The following KDM1A variants were observed in gnomAD, a reference collection of about 807,000 sequenced individuals.
KDM1A encodes the protein lysine demethylase 1A.
In KDM1A, 49 loss-of-function variants were observed where a neutral mutation model predicts 109.4. The ratio of observed to expected loss-of-function variants is 0.45; its 90% CI spans 0.36 to 0.57. KDM1A has a LOEUF of 0.57. KDM1A is among the 20% of genes least tolerant of loss of function. KDM1A has a pLI of 0.00. For synonymous variants in KDM1A, 380 were observed against 415.4 expected, an observed-to-expected ratio of 0.91 and a Z score of 1.04; for missense variants, 668 against 1,116.6, an observed-to-expected ratio of 0.60 and a Z score of 5.73.
chr1:23,064,384 C>T (rs1199939429), intron 9 of KDM1A, among the ~76,000 whole-genome samples: 2 of 152,218 alleles, frequency 1.3e-5, no homozygotes, highest in African/African-American at 4.8e-5. Flanking sequence ...TGCTCGATGG[C>T]ATGGGATGGG....
At chr1:23,073,632 C>T (rs1032468517) in intron 15 of KDM1A, among the ~76,000 whole-genome samples, 2 of 152,188 alleles carry the variant, frequency 1.3e-5, no homozygotes, top group African/African-American at 2.4e-5. Context: ...AATGTTTTCT[C>T]CTGCCTCTTT....
chr1:23,043,290 G>A (rs1177023618), intron 2 of KDM1A, among the ~76,000 whole-genome samples: 1 of 152,158 alleles, frequency 6.6e-6, no homozygotes, highest in African/African-American at 2.4e-5. Flanking sequence ...CTTCAGACGA[G>A]AGCTTAGTAA....
rs1280053106 is a variant in KDM1A at position 23,042,458 on chromosome 1, T to A, written c.518-1969T>A. Among the ~76,000 whole-genome samples, 3 of 111,774 alleles carry A rather than the reference T, an allele frequency of 2.7e-5. No homozygotes were observed. In the South Asian group the frequency reaches 9.5e-4, roughly 35 times the overall value. 73.3% of individuals were successfully genotyped at this position (111,774 alleles called of 152,430 possible). A position where few individuals can be genotyped will look rare whatever the true frequency, so the allele number is the denominator to read the frequency against. ...ATATATTATTTTTTTTTTTTTTTTTTTTTTTTTTTTTTGAGACGGAGTCTC... is the reference window on the plus strand; with the variant it reads ...ATATATTATTTTTTTTTTTTTTTTTATTTTTTTTTTTTGAGACGGAGTCTC... On this transcript the variant is annotated intron_variant, in intron 2 of 20. Transcript: ENST00000400181.
intron 1 of KDM1A, among the ~76,000 whole-genome samples, chr1:23,026,393 TG>T (rs1177875681): frequency 9.5e-5 from 5 of 52,772 alleles, no homozygotes; most frequent in African/African-American, 2.2e-4. Flanking sequence ...TTTGTCTGTT[TG>T]TTTTTTTTTT....
At chr1:23,038,250 CTGTTTGTGTG>C (rs1226736903) in intron 2 of KDM1A, among the ~76,000 whole-genome samples, 8 of 85,066 alleles carry the variant, frequency 9.4e-5, no homozygotes, top group Admixed American at 5.4e-4. Context: ...GCATCTGGAA[CTGTTTGTGTG>C]TGTGTGTGTG....
intron 4 of KDM1A, among the ~76,000 whole-genome samples, chr1:23,051,456 A>T (rs1228305810): frequency 6.6e-6 from 1 of 152,074 alleles, no homozygotes; most frequent in Non-Finnish European, 1.5e-5. Flanking sequence ...GAACCAGTCA[A>T]CCCCTCCCCT....
At chr1:23,023,326 T>A (rs1289277612) in intron 1 of KDM1A, among the ~76,000 whole-genome samples, 1 of 152,224 alleles carries the variant, frequency 6.6e-6, no homozygotes, top group Non-Finnish European at 1.5e-5. Flanking sequence ...TGTTTTCTTC[T>A]AAGAGTTTTT....
At chr1:23,022,652 T>C (rs1202367051) in intron 1 of KDM1A, among the ~76,000 whole-genome samples, 35 of 129,156 alleles carry the variant, frequency 2.7e-4, no homozygotes, top group South Asian at 2.3e-3. Flanking sequence ...CTTCTTCTTT[T>C]TTTTTTTTTT....
chr1:23,053,188 C>T (rs1248820024), intron 4 of KDM1A, among the ~76,000 whole-genome samples: 1 of 152,078 alleles, frequency 6.6e-6, no homozygotes, highest in East Asian at 1.9e-4. Flanking sequence ...GCTAGTTGCT[C>T]CCTTCTAGCT....
intron 3 of KDM1A, among the ~76,000 whole-genome samples, chr1:23,048,392 G>A (rs1227355030): frequency 6.6e-6 from 1 of 151,948 alleles, no homozygotes; most frequent in African/African-American, 2.4e-5. Context: ...GTAATTTCAT[G>A]CTCCACCTAC....
intron 3 of KDM1A, among the ~76,000 whole-genome samples, chr1:23,047,756 A>C (rs1642543288): frequency 2.6e-5 from 4 of 151,952 alleles, no homozygotes; most frequent in Admixed American, 2.6e-4. Context: ...AAAAAATTAG[A>C]CATAGTGGCT....
chr1:23,078,570 T>G (rs1413025133), intron 16 of KDM1A, among the ~76,000 whole-genome samples: 1 of 152,206 alleles, frequency 6.6e-6, no homozygotes, highest in East Asian at 1.9e-4. Flanking sequence ...CATCACAGCC[T>G]TCTTGTAGCA....
chr1:23,029,076 T>G (rs1448830509), intron 1 of KDM1A, among the ~76,000 whole-genome samples: 1 of 152,184 alleles, frequency 6.6e-6, no homozygotes, highest in Non-Finnish European at 1.5e-5. Context: ...AGTAACACTC[T>G]TGTACTTCCA....
At chr1:23,067,397 A>T (rs1056248465) in intron 10 of KDM1A, among the ~76,000 whole-genome samples, 3 of 152,214 alleles carry the variant, frequency 2.0e-5, no homozygotes, top group Non-Finnish European at 4.4e-5. Context: ...TTATCAGTGA[A>T]GGAGCAGAGG....
Position 23,063,212 on chromosome 1 carries a change from T to C in KDM1A, c.1168-2848T>C, listed in dbSNP as rs1238696817. 1.3e-4 allele frequency among the ~76,000 whole-genome samples: 3 copies of C among 23,754 alleles called. 1 individual carries two copies. Among genetic ancestry groups the C allele is most frequent in the Non-Finnish European group, 2.1e-4 (2 of 9,704 alleles). The allele number at this position is 23,754 out of a possible 152,430, so 15.6% of individuals were successfully genotyped here. ...CTGTAGCATTGGGGGGGGGGTGTGG[T>C]GTGGGGTGGGTGTGTGTGGGTGTGT... On this transcript the variant is annotated intron_variant, in intron 9 of 20. Coordinates refer to ENST00000400181, the MANE Select transcript of KDM1A (RefSeq NM_001009999.3).
chr1:23,080,365 A>G (rs1643582794), intron 18 of KDM1A, among the ~76,000 whole-genome samples: 1 of 152,150 alleles, frequency 6.6e-6, no homozygotes, highest in Non-Finnish European at 1.5e-5. Flanking sequence ...CAGGCTGTCA[A>G]GTCCTGTCAG....
At chr1:23,036,568 A>G (rs763637134) in intron 2 of KDM1A, among the ~76,000 whole-genome samples, 1 of 151,880 alleles carries the variant, frequency 6.6e-6, no homozygotes, top group Non-Finnish European at 1.5e-5. Context: ...ACAAGCTGAA[A>G]AGGTAATTCA....
chr1:23,081,896 C>T, intron 19 of KDM1A: 1 of 416,494 alleles, frequency 2.4e-6, no homozygotes, highest in Non-Finnish European at 4.3e-6. Flanking sequence ...GGTACTTTTT[C>T]GTGTTCTTTG....
At chr1:23,020,245 T>G (rs1052943208) in intron 1 of KDM1A, 12 of 259,324 alleles carry the variant, frequency 4.6e-5, no homozygotes, top group Middle Eastern at 1.1e-3. Flanking sequence ...TTCATTTTCT[T>G]GACTGGAAAA....
Sources: gnomAD v4.1 joint callset for allele counts (sites outside exome capture counted in the v4.1 genomes callset) on GRCh38, gnomAD v4.1.1 for gene constraint, MANE v1.5 for transcripts, NCBI Gene and HGNC (gene_info 2026-07-23, HGNC 2026-07-21) for gene names.